The following SMARCAD1 variants were observed in gnomAD, a reference collection of about 807,000 sequenced individuals.
SMARCAD1 encodes the protein SNF2 related chromatin remodeling ATPase with DExD box 1, also known as SWI/SNF-related matrix-associated actin-dependent regulator of chromatin subfamily A containing DEAD/H box 1.
A neutral mutation model predicts 127.1 loss-of-function variants in SMARCAD1; 25 were observed. The observed-to-expected ratio is 0.20, with a 90% CI of 0.14 to 0.27. The LOEUF (loss-of-function observed/expected upper bound fraction) is 0.27. Among genes scored for constraint, SMARCAD1 ranks in the 10% least tolerant of loss-of-function variants. The probability of loss-of-function intolerance (pLI) is 1.00; values close to 1 mark genes in which losing one functional copy is unlikely to be tolerated. For missense variants in SMARCAD1, 807 were observed against 1,206.0 expected, an observed-to-expected ratio of 0.67 and a Z score of 4.90; for synonymous variants, 400 against 396.9, an observed-to-expected ratio of 1.01 and a Z score of -0.09.
intron 6 of SMARCAD1, among the ~76,000 whole-genome samples, chr4:94,249,065 G>A (rs1346888962): frequency 2.0e-5 from 3 of 152,140 alleles, no homozygotes; most frequent in Non-Finnish European, 4.4e-5. Flanking sequence ...TGACAGAGAA[G>A]AAGGAAAAGT....
intron 3 of SMARCAD1, among the ~76,000 whole-genome samples, chr4:94,228,688 G>A (rs112194769): frequency 3.3e-4 from 50 of 150,858 alleles, no homozygotes; most frequent in African/African-American, 8.7e-4. Flanking sequence ...AGTTGTTTAC[G>A]TTCTGTTGCT....
At chr4:94,245,659 C>A (rs114859467) in intron 6 of SMARCAD1, among the ~76,000 whole-genome samples, 2 of 152,162 alleles carry the variant, frequency 1.3e-5, no homozygotes, top group Admixed American at 6.5e-5. Flanking sequence ...TGTAACTCTT[C>A]CAATGTCCAC....
At chr4:94,228,930 TTAAC>T (rs778776190) in intron 3 of SMARCAD1, among the ~76,000 whole-genome samples, 8 of 152,164 alleles carry the variant, frequency 5.3e-5, no homozygotes, top group Non-Finnish European at 1.0e-4. Flanking sequence ...AAATTTGGGT[TTAAC>T]TAATGTTTCT....
At chr4:94,241,390 T>A (rs1042499434) in intron 6 of SMARCAD1, among the ~76,000 whole-genome samples, 2 of 152,232 alleles carry the variant, frequency 1.3e-5, no homozygotes, top group Non-Finnish European at 2.9e-5. Flanking sequence ...TTCTCTGAAC[T>A]GTGTGCGTGT....
At chr4:94,272,632 A>G (rs1752698449) in intron 11 of SMARCAD1, among the ~76,000 whole-genome samples, 1 of 151,994 alleles carries the variant, frequency 6.6e-6, no homozygotes, top group South Asian at 2.1e-4. Flanking sequence ...GTGCAACATA[A>G]TGTTATTGAG....
At position 94,259,445 on chromosome 4, in the gene SMARCAD1, A is replaced by C. The variant is rs186353723; in HGVS notation, c.1282-5262A>C. Among the ~76,000 whole-genome samples the C allele has an allele frequency of 1.7e-4, 26 of 152,236 alleles. No individual in the cohort carries two copies. The East Asian group carries it at 2.3e-3, about 14-fold the overall frequency. The stretch of plus-strand genomic sequence containing the variant: ...TGGTTAGTGGATTGTTATTAGATAG[A>C]TCTAAATTCTAAATCAGCAGCAGTC... On this transcript the variant is annotated intron_variant, in intron 9 of 23. Coordinates refer to ENST00000354268, the MANE Select transcript of SMARCAD1 (RefSeq NM_020159.5).
At chr4:94,214,410 C>T (rs1014465508) in intron 2 of SMARCAD1, among the ~76,000 whole-genome samples, 15 of 149,684 alleles carry the variant, frequency 1.0e-4, no homozygotes, top group Non-Finnish European at 1.5e-4. Context: ...TACAGGTGCC[C>T]GCCACCACGC....
chr4:94,288,262 C>CT (rs139034008), intron 23 of SMARCAD1, among the ~76,000 whole-genome samples: 21,932 of 152,064 alleles, frequency 0.14, 1,798 homozygotes, highest in Non-Finnish European at 0.19. Flanking sequence ...CATTTGTCCC[C>CT]TTAATGTCTT....
chr4:94,273,527 G>A, intron 11 of SMARCAD1, 90 bp from the exon 12 acceptor site: 1 of 950,664 alleles, frequency 1.1e-6, no homozygotes, highest in African/African-American at 1.6e-5. Context: ...AGTGAATACA[G>A]CACAGAATTA....
intron 9 of SMARCAD1, among the ~76,000 whole-genome samples, chr4:94,261,324 T>G (rs1374185741): frequency 6.6e-6 from 1 of 152,174 alleles, no homozygotes; most frequent in African/African-American, 2.4e-5. Flanking sequence ...ATATTGACTG[T>G]TATTTATCAC....
intron 11 of SMARCAD1, among the ~76,000 whole-genome samples, chr4:94,271,746 C>T (rs146856538): frequency 6.6e-6 from 1 of 152,160 alleles, no homozygotes; most frequent in Non-Finnish European, 1.5e-5. Context: ...GGAAATCAGA[C>T]CTGGGTTTGG....
intron 6 of SMARCAD1, among the ~76,000 whole-genome samples, chr4:94,246,023 G>T (rs1017829792): frequency 6.6e-6 from 1 of 151,974 alleles, no homozygotes; most frequent in Non-Finnish European, 1.5e-5. Context: ...GCATCTGCTG[G>T]TCACGAAACC....
At chr4:94,215,320 TA>T (rs1241138578) in intron 2 of SMARCAD1, among the ~76,000 whole-genome samples, 10 of 152,180 alleles carry the variant, frequency 6.6e-5, no homozygotes, top group African/African-American at 2.4e-4. Flanking sequence ...AAGTGCATTT[TA>T]AATGTGCATG....
At chr4:94,269,107 C>G (rs1171460935) in intron 10 of SMARCAD1, among the ~76,000 whole-genome samples, 2 of 152,164 alleles carry the variant, frequency 1.3e-5, no homozygotes, top group African/African-American at 4.8e-5. Flanking sequence ...CCTACCTATA[C>G]TTTTAGTTGT....
chr4:94,215,346 C>T (rs1256989722), intron 2 of SMARCAD1, among the ~76,000 whole-genome samples: 1 of 152,154 alleles, frequency 6.6e-6, no homozygotes, highest in Non-Finnish European at 1.5e-5. Context: ...TGGCTGGGCA[C>T]AGTGGCTCAT....
Position 94,207,952 on chromosome 4 carries a change from G to A in SMARCAD1, c.-168G>A. On this transcript the variant is annotated 5_prime_UTR_variant, in exon 1 of 24. Coordinates refer to ENST00000354268, the MANE Select transcript of SMARCAD1 (RefSeq NM_020159.5). ...TTGTGTCCCCGCAGTGTCGAGGCGC[G>A]GGCCCTGGCAGGTCCTTTCTCGAGG... The A allele has an allele frequency of 2.8e-6, 1 of 355,712 alleles. No individual in the cohort carries two copies. Among genetic ancestry groups the A allele is most frequent in the Non-Finnish European group, 5.5e-6 (1 of 180,580 alleles). The allele number at this position is 355,712 out of a possible 1,614,324, so 22.0% of individuals were successfully genotyped here.
chr4:94,219,486 T>G (rs1743745839), intron 2 of SMARCAD1, among the ~76,000 whole-genome samples: 2 of 152,060 alleles, frequency 1.3e-5, no homozygotes, highest in African/African-American at 4.8e-5. Flanking sequence ...CAAGCTTGAA[T>G]GCTTGTTTTA....
intron 9 of SMARCAD1, among the ~76,000 whole-genome samples, chr4:94,260,110 T>C (rs1232930979): frequency 2.0e-5 from 3 of 152,158 alleles, no homozygotes; most frequent in African/African-American, 7.2e-5. Flanking sequence ...TGTCTAAACT[T>C]TTCTGATTAT....
intron 23 of SMARCAD1, 88 bp downstream of exon 23, chr4:94,285,157 A>T (rs1362512845): frequency 3.9e-5 from 33 of 848,568 alleles, no homozygotes; most frequent in Non-Finnish European, 5.9e-5. Context: ...AAAGATGGCT[A>T]CCTTAACTAG....
Sources: gnomAD v4.1 joint callset for allele counts (sites outside exome capture counted in the v4.1 genomes callset) on GRCh38, gnomAD v4.1.1 for gene constraint, MANE v1.5 for transcripts, NCBI Gene and HGNC (gene_info 2026-07-23, HGNC 2026-07-21) for gene names.